Variants in ADAMTS9 observed in about 807,000 individuals in gnomAD.
The protein encoded by ADAMTS9 is ADAM metallopeptidase with thrombospondin type 1 motif 9.
In ADAMTS9, 107 loss-of-function variants were observed where a neutral mutation model predicts 257.1. That is an observed-to-expected ratio of 0.42 (90% CI 0.36 to 0.49). The LOEUF is 0.49. Ranked by LOEUF, ADAMTS9 falls within the 20% of genes least tolerant of loss-of-function variation. The pLI is 0.03. For missense variants in ADAMTS9, 2,353 were observed against 2,469.1 expected (o/e 0.95, Z 1.00); for synonymous variants, 982 against 880.9 (o/e 1.11, Z -2.03).
chr3:64,600,984 G>T (rs7615234), intron 26 of ADAMTS9, among the ~76,000 whole-genome samples: 5,258 of 152,092 alleles, frequency 0.035, 273 homozygotes, highest in African/African-American at 0.12. Flanking sequence ...ACCTAACTAC[G>T]TCCCTACCCA....
At position 64,616,267 on chromosome 3, in the gene ADAMTS9, T is replaced by C. The variant is rs905157427; in HGVS notation, c.2814-97A>G. ...TTCATAGAAGAGTTGAGTTCTTTTT[T>C]CTTTCTTAACTCGAATACCATGAAG... On this transcript the variant is annotated intron_variant, in intron 19 of 39. Coordinates refer to ENST00000498707, the MANE Select transcript of ADAMTS9 (RefSeq NM_182920.2). 2.2e-6 allele frequency: 3 copies of C among 1,339,084 alleles called. No homozygotes were observed. The African/African-American group carries it at 4.3e-5, about 19-fold the overall frequency. The allele number at this position is 1,339,084 out of a possible 1,614,324, so 83.0% of individuals were successfully genotyped here.
intron 36 of ADAMTS9, 86 bp from the exon 37 acceptor site, chr3:64,539,380 GA>G (rs1158607991): frequency 9.0e-7 from 1 of 1,106,302 alleles, no homozygotes; most frequent in East Asian, 2.5e-5. Context: ...CAAGGAGACA[GA>G]AGGGAAGAAG....
At chr3:64,602,764 T>C (rs534550630) in intron 25 of ADAMTS9, among the ~76,000 whole-genome samples, 2 of 152,328 alleles carry the variant, frequency 1.3e-5, no homozygotes, top group East Asian at 3.9e-4. Flanking sequence ...GCACATCCCA[T>C]CTTTCTCTAT....
chr3:64,671,995 A>G, intron 3 of ADAMTS9, among the ~76,000 whole-genome samples: 1 of 152,298 alleles, frequency 6.6e-6, no homozygotes, highest in East Asian at 1.9e-4. Context: ...TTATCCCCTC[A>G]TATGAAGAAA....
intron 38 of ADAMTS9, among the ~76,000 whole-genome samples, chr3:64,522,818 G>T (rs546938861): frequency 1.0e-3 from 158 of 152,006 alleles, no homozygotes; most frequent in Non-Finnish European, 1.9e-3. Flanking sequence ...AGAAGAGAAA[G>T]GTAGACTTTG....
chr3:64,545,543 G>A (rs981160109), intron 32 of ADAMTS9, among the ~76,000 whole-genome samples: 14 of 152,190 alleles, frequency 9.2e-5, no homozygotes, highest in Non-Finnish European at 1.9e-4. Flanking sequence ...TCACTCATAG[G>A]TGGGAACTGA....
chr3:64,595,907 G>A (rs1037279774), intron 27 of ADAMTS9, among the ~76,000 whole-genome samples: 2 of 152,130 alleles, frequency 1.3e-5, no homozygotes, highest in Admixed American at 6.5e-5. Flanking sequence ...TGCTCTCCCT[G>A]TGGATTCAAG....
chr3:64,540,994 GTGCAAT>G, intron 36 of ADAMTS9, 95 bp downstream of exon 36: 1 of 1,432,200 alleles, frequency 7.0e-7, no homozygotes, highest in Non-Finnish European at 9.5e-7. Flanking sequence ...AATGTGCAAT[GTGCAAT>G]ACGCACCTCC....
chr3:64,634,701 G>A (rs1459073317), intron 12 of ADAMTS9, among the ~76,000 whole-genome samples: 1 of 152,146 alleles, frequency 6.6e-6, no homozygotes, highest in African/African-American at 2.4e-5. Context: ...ATCGTAGGAC[G>A]TTGGGGCTCA....
Position 64,541,222 on chromosome 3 carries a change from G to A in ADAMTS9, c.5394C>T (p.His1798=). The A allele has an allele frequency of 6.2e-7, 1 of 1,614,192 alleles. No homozygotes were observed. Among genetic ancestry groups the A allele is most frequent in the Non-Finnish European group, 8.5e-7 (1 of 1,180,026 alleles). The change falls in exon 36 of 40, where the codon CAC becomes CAT. Residue 1798 remains histidine, a synonymous_variant. Coordinates refer to ENST00000498707, the MANE Select transcript of ADAMTS9 (RefSeq NM_182920.2). ...NFSEVYGHRL[H]NPTECPYNGS... The stretch of plus-strand genomic sequence containing the variant: ...CGTTATAGGGACATTCTGTTGGGTT[G>A]TGTAACCTAAATTATACAGAGAATG...
rs762427403 is a variant in ADAMTS9 at position 64,621,792 on chromosome 3, A to AG, written c.2686+405_2686+406insC. 3.0e-5 allele frequency among the ~76,000 whole-genome samples: 4 copies of AG among 133,422 alleles called. No homozygotes were observed. The East Asian group carries it at 1.1e-3, about 37-fold the overall frequency. 87.5% of individuals were successfully genotyped at this position (133,422 alleles called of 152,430 possible). A position where few individuals can be genotyped will look rare whatever the true frequency, so the allele number is the denominator to read the frequency against. ...AATAAAAAAATAAAAAAATAAAAAA[A>AG]TAAAAAGAAAAGAAAAAGAAAAAAA... is the stretch of plus-strand genomic sequence containing the variant. On this transcript the variant is annotated intron_variant, in intron 18 of 39. Coordinates refer to ENST00000498707, the MANE Select transcript of ADAMTS9 (RefSeq NM_182920.2).
chr3:64,537,325 A>T (rs941743016), intron 37 of ADAMTS9, among the ~76,000 whole-genome samples: 6 of 152,224 alleles, frequency 3.9e-5, no homozygotes, highest in Non-Finnish European at 8.8e-5. Context: ...ATATAGAAAC[A>T]AGAAAATCCT....
At chr3:64,554,481 A>C (rs2083306620) in intron 30 of ADAMTS9, among the ~76,000 whole-genome samples, 1 of 152,178 alleles carries the variant, frequency 6.6e-6, no homozygotes. Flanking sequence ...ATCAGGTTTC[A>C]TCAGCTTTTT....
intron 11 of ADAMTS9, 143 bp from the exon 12 acceptor site, chr3:64,642,136 T>C (rs1293613481): frequency 4.2e-6 from 4 of 946,366 alleles, no homozygotes; most frequent in African/African-American, 3.3e-5. Flanking sequence ...ATATGAATAA[T>C]GGAAGCTATA....
At chr3:64,661,021 C>G (rs1163852379) in intron 3 of ADAMTS9, among the ~76,000 whole-genome samples, 1 of 152,190 alleles carries the variant, frequency 6.6e-6, no homozygotes, top group Non-Finnish European at 1.5e-5. Flanking sequence ...GGAACAGAAA[C>G]TTTCTGGCTG....
At chr3:64,656,769 G>A (rs1234010733) in intron 4 of ADAMTS9, among the ~76,000 whole-genome samples, 7 of 152,182 alleles carry the variant, frequency 4.6e-5, no homozygotes, top group Non-Finnish European at 7.4e-5. Context: ...AGAGGGGCAC[G>A]GAGGCCAGGC....
chr3:64,568,847 A>G, intron 28 of ADAMTS9: 1 of 276,514 alleles, frequency 3.6e-6, no homozygotes. Context: ...TTCTGATTTT[A>G]AGAAGTCCTA....
Position 64,539,313 on chromosome 3 carries a change from G to T in ADAMTS9, c.5522-19C>A. ...TCAGTGGCTGTGGGGTGGAGAAGGGGTTAAAGGCAGGGGAAGGTAAGAGTG... is the reference window on the plus strand; with the variant it reads ...TCAGTGGCTGTGGGGTGGAGAAGGGTTTAAAGGCAGGGGAAGGTAAGAGTG... On this transcript the variant is annotated intron_variant, in intron 36 of 39. Transcript: ENST00000498707. 1.2e-6 allele frequency: 2 copies of T among 1,604,362 alleles called. No individual in the cohort carries two copies. The highest frequency in any genetic ancestry group is 1.7e-6 in the Non-Finnish European group (2 of 1,171,250).
intron 22 of ADAMTS9, among the ~76,000 whole-genome samples, chr3:64,610,184 A>G (rs1476460450): frequency 5.9e-5 from 9 of 152,196 alleles, no homozygotes; most frequent in Admixed American, 5.9e-4. Flanking sequence ...TGGCAGAAAA[A>G]CTTCATGACA....
Sources: allele counts gnomAD v4.1 joint callset (sites outside exome capture counted in the v4.1 genomes callset), GRCh38; gene constraint gnomAD v4.1.1; transcripts MANE v1.5; gene names NCBI Gene and HGNC (gene_info 2026-07-23, HGNC 2026-07-21).